Variants in LYVE1 observed in about 807,000 individuals in gnomAD.
LYVE1 encodes lymphatic vessel endothelial hyaluronan receptor 1, also known as lymphatic vessel endothelial hyaluronic acid receptor 1.
LYVE1 carries 29 observed loss-of-function variants against 31.5 expected under a neutral mutation model. That is an observed-to-expected ratio of 0.92 (90% CI 0.69 to 1.26). The LOEUF is 1.26. Ranked by LOEUF, LYVE1 falls within the 50% of genes most tolerant of loss-of-function variation. The probability of loss-of-function intolerance (pLI) is 0.00; values close to 1 mark genes in which losing one functional copy is unlikely to be tolerated. For synonymous variants in LYVE1, 134 were observed against 139.4 expected, an observed-to-expected ratio of 0.96 and a Z score of 0.27; for missense variants, 376 against 380.2, an observed-to-expected ratio of 0.99 and a Z score of 0.09.
At chr11:10,561,726 A>G (rs1409491766) in intron 3 of LYVE1, among the ~76,000 whole-genome samples, 4 of 152,190 alleles carry the variant, frequency 2.6e-5, no homozygotes, top group African/African-American at 7.2e-5. Flanking sequence ...TCACAGAGCT[A>G]GTAAATGGCA....
chr11:10,566,716 T>G (rs1301047024), intron 1 of LYVE1, among the ~76,000 whole-genome samples: 1 of 152,200 alleles, frequency 6.6e-6, no homozygotes, highest in Non-Finnish European at 1.5e-5. Context: ...TGGATAGACT[T>G]AGCTTTGAAT....
In LYVE1 at chr11:10,564,266, C is replaced by A. The variant is rs753695278; in HGVS notation, c.194G>T (p.Gly65Val). ...TTGGTCCTTGCCGGCCAAACTTAGT[C>A]CCAGCAGCCTACAGGCCTCCTTAGC... is the stretch of plus-strand genomic sequence containing the variant. ...TEAKEACRLL[G>V]LSLAGKDQVE... Residue 65 changes from glycine to valine, a missense_variant, in exon 2 of 6, where the codon GGA (glycine) becomes GTA (valine). Transcript: ENST00000256178. The A allele has an allele frequency of 1.5e-5, 25 of 1,614,088 alleles. No homozygotes were observed. In the African/African-American group the frequency reaches 2.1e-4, roughly 14 times the overall value.
chr11:10,560,738 G>T lies in LYVE1; in HGVS notation c.460C>A (p.Gln154Lys). 6.2e-7 allele frequency: 1 copy of T among 1,613,956 alleles called. No individual in the cohort carries two copies. Among genetic ancestry groups the T allele is most frequent in the South Asian group, 1.1e-5 (1 of 91,078 alleles). ...ITTKDPIFNT[Q>K]TATQTTEFIV... ...AATTCTGTTGTTTGTGTTGCAGTTT[G>T]AGTGTTGAATATGGGATCTTTGGTG... The change falls in exon 4 of 6, where the codon CAA (glutamine) becomes AAA (lysine). Residue 154 changes from glutamine (Q) to lysine (K), a missense_variant. Gln to Lys is a moderately conservative substitution (Grantham distance 53). Coordinates refer to ENST00000256178, the MANE Select transcript of LYVE1 (RefSeq NM_006691.4).
chr11:10,563,981 G>C lies in LYVE1; in HGVS notation c.356C>G (p.Pro119Arg), dbSNP rs140328426. 198 of 1,614,142 alleles carry C rather than the reference G, an allele frequency of 1.2e-4. No homozygotes were observed. The highest frequency in any genetic ancestry group is 1.6e-4 in the Non-Finnish European group (191 of 1,180,026). ...NGVGVLIWKVPVSRQFAAYCY... is the reference protein window; with the variant it reads ...NGVGVLIWKVRVSRQFAAYCY... Reference sequence around the variant, plus strand: ...ATAGGCTGCAAACTGTCGGCTCACTGGAACCTTCCAAATCAGGACACCCAC... The same window carrying C: ...ATAGGCTGCAAACTGTCGGCTCACTCGAACCTTCCAAATCAGGACACCCAC... Residue 119 changes from proline (P) to arginine (R), a missense_variant, in exon 3 of 6, where the codon CCA becomes CGA. By Grantham distance (103) the Pro-to-Arg change is moderately radical. Coordinates refer to ENST00000256178, the MANE Select transcript of LYVE1 (RefSeq NM_006691.4).
chr11:10,559,146 T>G lies in LYVE1; in HGVS notation c.934A>C (p.Lys312Gln), dbSNP rs1347591388. 1.2e-6 allele frequency: 2 copies of G among 1,614,160 alleles called. No individual in the cohort carries two copies. The highest frequency in any genetic ancestry group is 3.3e-5 in the Admixed American group (2 of 60,028). The part of the protein sequence containing the change: ...KNPEESKSPS[K>Q]TTVRCLEAEV ...GCTTCCAGGCATCGCACGGTAGTTT[T>G]GCTTGGACTCTTGGACTCTTCTGGG... Residue 312 changes from lysine (K) to glutamine (Q), a missense_variant, in exon 6 of 6, where the codon AAA (lysine) becomes CAA (glutamine). By Grantham distance (53) the Lys-to-Gln change is moderately conservative. Coordinates refer to ENST00000256178, the MANE Select transcript of LYVE1 (RefSeq NM_006691.4).
intron 4 of LYVE1, 77 bp from the exon 5 acceptor site, chr11:10,559,971 A>C: frequency 9.4e-7 from 1 of 1,064,090 alleles, no homozygotes; most frequent in Non-Finnish European, 1.5e-6. Flanking sequence ...GATCCAGGTG[A>C]TTGAGACAGT....
At chr11:10,559,355 A>C in intron 5 of LYVE1, 58 bp from the exon 6 acceptor site, 1 of 1,448,110 alleles carries the variant, frequency 6.9e-7, no homozygotes, top group Non-Finnish European at 9.6e-7. Context: ...GATAGATAAC[A>C]CTTTTTGGCC....
At chr11:10,564,920 G>A (rs1850505738) in intron 1 of LYVE1, among the ~76,000 whole-genome samples, 1 of 152,136 alleles carries the variant, frequency 6.6e-6, no homozygotes, top group South Asian at 2.1e-4. Flanking sequence ...GAAGTTCCTG[G>A]AGGAGCTGGC....
At chr11:10,563,179 G>A (rs1295906739) in intron 3 of LYVE1, among the ~76,000 whole-genome samples, 1 of 151,920 alleles carries the variant, frequency 6.6e-6, no homozygotes, top group Non-Finnish European at 1.5e-5. Context: ...TCAATCTCCT[G>A]ACCTTGTGAT....
chr11:10,560,839 C>T (rs1410706547), intron 3 of LYVE1, 39 bp from the exon 4 acceptor site: 1 of 1,499,132 alleles, frequency 6.7e-7, no homozygotes, highest in Admixed American at 1.7e-5. Context: ...AGTATTGCAA[C>T]AGCCTCCTAA....
In LYVE1 at chr11:10,558,954, C is replaced by T. The variant is rs1850362075; in HGVS notation, c.*157G>A. 1.5e-6 allele frequency: 1 copy of T among 656,482 alleles called. No individual in the cohort carries two copies. Among genetic ancestry groups the T allele is most frequent in the East Asian group, 2.6e-5 (1 of 39,122 alleles). The allele number at this position is 656,482 out of a possible 1,614,324, so 40.7% of individuals were successfully genotyped here. ...GGAGAAGGGCATTCTCTTTGGTGCA[C>T]TCCATAGTCCAATGGCAGTCCTGAG... On this transcript the variant is annotated 3_prime_UTR_variant, in exon 6 of 6. Coordinates refer to ENST00000256178, the MANE Select transcript of LYVE1 (RefSeq NM_006691.4).
At chr11:10,560,912 T>G in intron 3 of LYVE1, 112 bp from the exon 4 acceptor site, 1 of 840,888 alleles carries the variant, frequency 1.2e-6, no homozygotes, top group Non-Finnish European at 1.9e-6. Context: ...GGAATGGTCT[T>G]TAAAAAGCAA....
At chr11:10,563,825 G>C in intron 3 of LYVE1, 115 bp downstream of exon 3, 1 of 1,322,666 alleles carries the variant, frequency 7.6e-7, no homozygotes, top group Non-Finnish European at 1.1e-6. Context: ...GGGAGAATTA[G>C]ATGGCCGTGG....
intron 3 of LYVE1, among the ~76,000 whole-genome samples, chr11:10,562,892 C>T (rs1442422870): frequency 2.0e-5 from 3 of 148,564 alleles, no homozygotes; most frequent in African/African-American, 7.4e-5. Flanking sequence ...GAGTCTGAAC[C>T]TTTACAGTAA....
At position 10,559,086 on chromosome 11, in the gene LYVE1, G is replaced by A. The variant is rs1209204659; in HGVS notation, c.*25C>T. 16 of 1,607,906 alleles carry A rather than the reference G, an allele frequency of 1.0e-5. No homozygotes were observed. Among genetic ancestry groups the A allele is most frequent in the African/African-American group, 1.3e-5 (1 of 74,480 alleles). ...GGAGCATGAAAGAAACCAGCCTCAG[G>A]TGTGTCTCCTCATTTCTGTCTCATC... is the stretch of plus-strand genomic sequence containing the variant. On this transcript the variant is annotated 3_prime_UTR_variant, in exon 6 of 6. Transcript: ENST00000256178.
At chr11:10,567,147 CTT>C (rs1441195161) in intron 1 of LYVE1, among the ~76,000 whole-genome samples, 2 of 152,142 alleles carry the variant, frequency 1.3e-5, no homozygotes, top group African/African-American at 4.8e-5. Flanking sequence ...TATAAACTGT[CTT>C]TTTGAGAGGA....
Position 10,560,664 on chromosome 11 carries a change from T to A in LYVE1, c.534A>T (p.Ile178=). The A allele has an allele frequency of 1.2e-6, 2 of 1,613,998 alleles. No individual in the cohort carries two copies. Among genetic ancestry groups the A allele is most frequent in the Non-Finnish European group, 1.7e-6 (2 of 1,179,982 alleles). ...TYSVASPYST[I]PAPTTTPPAP... is the part of the protein sequence containing the mutation. ...CAGGAGGAGTAGTAGTAGGGGCAGG[T>A]ATTGTAGAGTAAGGGGATGCCACCG... is the stretch of plus-strand genomic sequence containing the variant. The change falls in exon 4 of 6, where the codon ATA becomes ATT. Residue 178 remains isoleucine, a synonymous_variant. Transcript: ENST00000256178.
chr11:10,560,694 G>T lies in LYVE1; in HGVS notation c.504C>A (p.Thr168=). Residue 168 remains threonine, a synonymous_variant, in exon 4 of 6, where the codon ACC becomes ACA. Transcript: ENST00000256178. ...QTTEFIVSDS[T]YSVASPYSTI... is the part of the protein sequence containing the mutation. ...TAGAGTAAGGGGATGCCACCGAGTA[G>T]GTACTGTCACTGACAATAAATTCTG... 1 of 1,613,802 alleles carries T rather than the reference G, an allele frequency of 6.2e-7. No individual in the cohort carries two copies. The highest frequency in any genetic ancestry group is 1.1e-5 in the South Asian group (1 of 91,076).
intron 1 of LYVE1, among the ~76,000 whole-genome samples, chr11:10,567,638 G>C (rs1420362056): frequency 1.3e-5 from 2 of 152,120 alleles, no homozygotes; most frequent in Non-Finnish European, 2.9e-5. Context: ...CATTTGCCCA[G>C]AGCTGCAATG....
Sources: allele counts gnomAD v4.1 joint callset (sites outside exome capture counted in the v4.1 genomes callset), GRCh38; gene constraint gnomAD v4.1.1; transcripts MANE v1.5; gene names NCBI Gene and HGNC (gene_info 2026-07-23, HGNC 2026-07-21).